The following MYO1B variants were observed in gnomAD, a reference collection of about 807,000 sequenced individuals.
MYO1B encodes the protein unconventional myosin-Ib.
Under a neutral mutation model 159.7 loss-of-function variants are expected in MYO1B, and 72 were observed. The observed-to-expected ratio is 0.45, with a 90% CI of 0.37 to 0.55. The LOEUF (loss-of-function observed/expected upper bound fraction) is 0.55, where lower values mean the gene tolerates loss of function less well. MYO1B is among the 20% of genes least tolerant of loss of function. The probability of loss-of-function intolerance (pLI) is 0.00; values close to 1 mark genes in which losing one functional copy is unlikely to be tolerated. For missense variants in MYO1B, 1,062 were observed against 1,364.8 expected, an observed-to-expected ratio of 0.78 and a Z score of 3.50; for synonymous variants, 468 against 473.8, an observed-to-expected ratio of 0.99 and a Z score of 0.16.
intron 20 of MYO1B, among the ~76,000 whole-genome samples, chr2:191,395,401 C>T (rs1288871390): frequency 1.3e-5 from 2 of 152,190 alleles, no homozygotes; most frequent in Non-Finnish European, 2.9e-5. Flanking sequence ...TCACCCATTA[C>T]CTCTGATCTT....
At chr2:191,269,840 A>G (rs1193105047) in intron 1 of MYO1B, among the ~76,000 whole-genome samples, 1 of 152,152 alleles carries the variant, frequency 6.6e-6, no homozygotes, top group Non-Finnish European at 1.5e-5. Flanking sequence ...AGACAGGGAG[A>G]AGCCAAGGAT....
At position 191,398,670 on chromosome 2, in the gene MYO1B, G is replaced by A. The variant is rs571731739; in HGVS notation, c.2296-1712G>A. ...GGCGCTCCCCACTCAGATGATGGGC[G>A]GGTCAGGCAGAGATGCTCCTCACTT... On this transcript the variant is annotated intron_variant, in intron 21 of 30. Transcript: ENST00000392318. Among the ~76,000 whole-genome samples the A allele has an allele frequency of 9.9e-4, 150 of 151,954 alleles. 1 individual carries two copies. The highest frequency in any genetic ancestry group is 1.5e-3 in the Non-Finnish European group (101 of 67,918).
At chr2:191,371,059 C>A (rs1694332961) in intron 13 of MYO1B, 1 of 152,082 alleles carries the variant, frequency 6.6e-6, no homozygotes. Flanking sequence ...TTCCTTTTTG[C>A]CCCCTTGCTA....
At position 191,387,349 on chromosome 2, in the gene MYO1B, C is replaced by T; in HGVS notation, c.1680C>T (p.Ala560=). 1 of 1,614,140 alleles carries T rather than the reference C, an allele frequency of 6.2e-7. No homozygotes were observed. Among genetic ancestry groups the T allele is most frequent in the Non-Finnish European group, 8.5e-7 (1 of 1,180,034 alleles). The change falls in exon 17 of 31, where the codon GCC becomes GCT. Residue 560 remains alanine (A), a synonymous_variant. Coordinates refer to ENST00000392318, the MANE Select transcript of MYO1B (RefSeq NM_001130158.3). ...IKSLFPEGNP[A]KINLKRPPTA... The stretch of plus-strand genomic sequence containing the variant: ...CTTTGTTCCCCGAAGGGAATCCCGC[C>T]AAGATCAACCTGAAAAGGCCTCCTA...
intron 30 of MYO1B, among the ~76,000 whole-genome samples, chr2:191,422,305 A>T (rs1439616937): frequency 1.5e-4 from 23 of 152,200 alleles, no homozygotes; most frequent in Admixed American, 1.5e-3. Context: ...TGGCCCAGCG[A>T]TGCAGCTCTC....
At chr2:191,346,356 T>G (rs1308426324) in intron 6 of MYO1B, 74 bp downstream of exon 6, 1 of 923,454 alleles carries the variant, frequency 1.1e-6, no homozygotes, top group Admixed American at 3.7e-5. Context: ...AGTAGATGTT[T>G]AATATTTCTT....
intron 19 of MYO1B, 30 bp downstream of exon 19, chr2:191,392,231 CTTAAG>C (rs1307007049): frequency 6.6e-7 from 1 of 1,510,344 alleles, no homozygotes; most frequent in African/African-American, 1.4e-5. Flanking sequence ...ACACTCTGAA[CTTAAG>C]TTGGAATCGT....
chr2:191,395,782 C>G (rs546254021), intron 20 of MYO1B, among the ~76,000 whole-genome samples: 1 of 152,356 alleles, frequency 6.6e-6, no homozygotes, highest in African/African-American at 2.4e-5. Context: ...TGTGCTGCAT[C>G]TCTCCCAGGG....
At chr2:191,361,806 A>G (rs959238648) in intron 8 of MYO1B, among the ~76,000 whole-genome samples, 3 of 152,038 alleles carry the variant, frequency 2.0e-5, no homozygotes, top group Admixed American at 6.6e-5. Context: ...TTTTTGGACT[A>G]TATTCCAACA....
intron 13 of MYO1B, among the ~76,000 whole-genome samples, chr2:191,373,558 G>A (rs772011945): frequency 6.6e-5 from 10 of 152,174 alleles, no homozygotes; most frequent in Non-Finnish European, 1.5e-4. Flanking sequence ...CGTGGATCAC[G>A]AGGTCAGGAG....
intron 14 of MYO1B, among the ~76,000 whole-genome samples, chr2:191,382,965 C>T (rs1230491312): frequency 6.6e-6 from 1 of 151,958 alleles, no homozygotes; most frequent in Non-Finnish European, 1.5e-5. Context: ...TAATATTGAC[C>T]CAAGGGCCTG....
chr2:191,394,943 A>G (rs1878613), intron 20 of MYO1B, among the ~76,000 whole-genome samples: 123,200 of 152,114 alleles, frequency 0.81, 53,995 homozygotes, highest in Non-Finnish European at 0.98. Flanking sequence ...AATTTGAACT[A>G]CATACCTCAA....
Position 191,402,361 on chromosome 2 carries a change from G to C in MYO1B, c.2470-271G>C, listed in dbSNP as rs1004786610. ...AGAGAGAGAGAACAGGAGAAAAAAG[G>C]AAAGGAATGGAAGTGAGGGGTGGGA... On this transcript the variant is annotated intron_variant, in intron 23 of 30. Coordinates refer to ENST00000392318, the MANE Select transcript of MYO1B (RefSeq NM_001130158.3). 13 of 441,804 alleles carry C rather than the reference G, an allele frequency of 2.9e-5. No homozygotes were observed. In the Admixed American group the frequency reaches 3.9e-4, roughly 13 times the overall value. 27.4% of individuals were successfully genotyped at this position (441,804 alleles called of 1,614,324 possible). A position where few individuals can be genotyped will look rare whatever the true frequency, so the allele number is the denominator to read the frequency against.
At chr2:191,352,004 T>C (rs2125986932) in intron 7 of MYO1B, among the ~76,000 whole-genome samples, 1 of 152,322 alleles carries the variant, frequency 6.6e-6, no homozygotes, top group African/African-American at 2.4e-5. Flanking sequence ...AGAAATGCCT[T>C]GAAGAGAAAG....
rs777573572 is a variant in MYO1B at position 191,402,635 on chromosome 2, C to G, written c.2473C>G (p.Arg825Gly). Residue 825 changes from arginine to glycine, a missense_variant, in exon 24 of 31, where the codon CGA becomes GGA. Transcript: ENST00000392318. ...TTTACTATCTAAAACATTCTAGGCT[C>G]GAAGGGAATTGAAACGCTTGAAGGA... ...IWAYWLGSKA[R>G]RELKRLKEEA... is the part of the protein sequence containing the mutation. 6.2e-7 allele frequency: 1 copy of G among 1,613,334 alleles called. No individual in the cohort carries two copies. Among genetic ancestry groups the G allele is most frequent in the Non-Finnish European group, 8.5e-7 (1 of 1,179,568 alleles).
In MYO1B at chr2:191,273,189, G is replaced by C. The variant is rs182231472; in HGVS notation, c.-9-3698G>C. Among the ~76,000 whole-genome samples, 119 of 152,284 alleles carry C rather than the reference G, an allele frequency of 7.8e-4. 2 individuals are homozygous for C. The East Asian group carries it at 0.022, about 28-fold the overall frequency. On this transcript the variant is annotated intron_variant, in intron 1 of 30. Transcript: ENST00000392318. ...GCTGGAGTGCAGTGGTGCAATCTCA[G>C]CTCACTGCAACCTCCACTTCCTGGG...
Position 191,414,041 on chromosome 2 carries a change from C to A in MYO1B, c.2874-7C>A. On this transcript the variant is annotated splice_polypyrimidine_tract_variant and splice_region_variant and intron_variant, in intron 27 of 30. Transcript: ENST00000392318. Reference sequence around the variant, plus strand: ...ATTTCTAATGTGCAGGAATTTTTTTCCTTTAGTGTTGGGCAACCATTCCAA... The same window carrying A: ...ATTTCTAATGTGCAGGAATTTTTTTACTTTAGTGTTGGGCAACCATTCCAA... The A allele has an allele frequency of 6.3e-7, 1 of 1,583,610 alleles. No homozygotes were observed. The highest frequency in any genetic ancestry group is 1.2e-5 in the South Asian group (1 of 84,004).
chr2:191,263,974 T>G (rs55973556), intron 1 of MYO1B, among the ~76,000 whole-genome samples: 1 of 152,336 alleles, frequency 6.6e-6, no homozygotes, highest in Non-Finnish European at 1.5e-5. Flanking sequence ...GTTTGTAGTG[T>G]CTTTTGTTCT....
At chr2:191,260,253 G>GTTTTTTTTTTTTT (rs1256549425) in intron 1 of MYO1B, among the ~76,000 whole-genome samples, 2 of 22,612 alleles carry the variant, frequency 8.8e-5, no homozygotes, top group Non-Finnish European at 1.6e-3. Context: ...TCCCAGATAG[G>GTTTTTTTTTTTTT]CTTTTTTTTT....
Sources: allele counts gnomAD v4.1 joint callset (sites outside exome capture counted in the v4.1 genomes callset), GRCh38; gene constraint gnomAD v4.1.1; transcripts MANE v1.5; gene names NCBI Gene and HGNC (gene_info 2026-07-23, HGNC 2026-07-21).